The following PEX5L variants were observed in gnomAD, a reference collection of about 807,000 sequenced individuals.
PEX5L encodes the protein PEX5-related protein.
In PEX5L, 30 loss-of-function variants were observed where a neutral mutation model predicts 84.0. The observed-to-expected ratio is 0.36, with a 90% CI of 0.27 to 0.48. The LOEUF (loss-of-function observed/expected upper bound fraction) is 0.48, where lower values mean the gene tolerates loss of function less well. PEX5L is among the 20% of genes least tolerant of loss of function. The pLI is 0.99. For missense variants in PEX5L, 533 were observed against 754.6 expected (o/e 0.71, Z 3.44); for synonymous variants, 270 against 283.1 (o/e 0.95, Z 0.46).
At chr3:179,964,672 C>A (rs1782887213) in intron 2 of PEX5L, among the ~76,000 whole-genome samples, 1 of 152,176 alleles carries the variant, frequency 6.6e-6, no homozygotes. Flanking sequence ...AGAAGACATA[C>A]ACACAGTCAA....
Position 180,006,837 on chromosome 3 carries a change from C to T in PEX5L, c.21+29742G>A, listed in dbSNP as rs891664670. Reference sequence around the variant, plus strand: ...ACAGGCCCTCAAGATTCACTTACCTCCCCTTGGGTCCCTCCCACAACATGT... The same window carrying T: ...ACAGGCCCTCAAGATTCACTTACCTTCCCTTGGGTCCCTCCCACAACATGT... On this transcript the variant is annotated intron_variant, in intron 1 of 14. Transcript: ENST00000467460. Among the ~76,000 whole-genome samples the T allele has an allele frequency of 2.6e-5, 4 of 152,196 alleles. No homozygotes were observed. The South Asian group carries it at 8.3e-4, about 32-fold the overall frequency.
At chr3:179,832,683 C>G (rs568411821) in intron 8 of PEX5L, among the ~76,000 whole-genome samples, 1 of 151,544 alleles carries the variant, frequency 6.6e-6, no homozygotes, top group South Asian at 2.1e-4. Flanking sequence ...TACCTACTTA[C>G]CCACCCACTT....
At chr3:180,004,046 G>A (rs931839904) in intron 1 of PEX5L, among the ~76,000 whole-genome samples, 6 of 152,154 alleles carry the variant, frequency 3.9e-5, no homozygotes, top group Admixed American at 3.9e-4. Flanking sequence ...TGAAGACAGA[G>A]TGATATTTGG....
chr3:179,942,017 CAAAA>C lies in PEX5L; in HGVS notation c.93+29573_93+29576del, dbSNP rs11447396. On this transcript the variant is annotated intron_variant, in intron 2 of 14. Transcript: ENST00000467460. ...ACCTGGGTGACAGAGTGAGACTCCTCAAAAAAAAAAAAAAAAAAAGAAGAAAAGA... is the reference window on the plus strand; with the variant it reads ...ACCTGGGTGACAGAGTGAGACTCCTCAAAAAAAAAAAAAAAGAAGAAAAGA... 1.5e-4 allele frequency among the ~76,000 whole-genome samples: 13 copies of C among 89,224 alleles called. No individual in the cohort carries two copies. The East Asian group carries it at 3.8e-3, about 26-fold the overall frequency. 58.5% of individuals were successfully genotyped at this position (89,224 alleles called of 152,430 possible).
chr3:179,830,554 C>T (rs764755639), intron 8 of PEX5L, among the ~76,000 whole-genome samples: 14 of 152,200 alleles, frequency 9.2e-5, no homozygotes, highest in Non-Finnish European at 1.6e-4. Flanking sequence ...TACAGCTATT[C>T]GTGCCTAATG....
At chr3:179,899,267 T>G (rs996690021) in intron 2 of PEX5L, among the ~76,000 whole-genome samples, 3 of 152,146 alleles carry the variant, frequency 2.0e-5, no homozygotes, top group African/African-American at 7.2e-5. Context: ...AATCCTTAAA[T>G]ACTTTAAAAA....
At chr3:179,965,184 T>C (rs141167144) in intron 2 of PEX5L, among the ~76,000 whole-genome samples, 15 of 152,326 alleles carry the variant, frequency 9.8e-5, no homozygotes, top group African/African-American at 3.1e-4. Context: ...GAATGTCTAA[T>C]AGTAAACCAG....
intron 1 of PEX5L, chr3:179,973,227 T>C (rs1560997522): frequency 7.8e-7 from 1 of 1,288,602 alleles, no homozygotes; most frequent in Admixed American, 2.3e-5. Context: ...ATGTGGGTCC[T>C]TCCATCCATT....
chr3:179,893,807 A>T (rs1303057146), intron 3 of PEX5L, among the ~76,000 whole-genome samples: 1 of 152,174 alleles, frequency 6.6e-6, no homozygotes, highest in Non-Finnish European at 1.5e-5. Flanking sequence ...TGATTTAGAA[A>T]ATTTATAATA....
At chr3:179,981,601 G>C (rs1419422268) in intron 1 of PEX5L, among the ~76,000 whole-genome samples, 1 of 151,460 alleles carries the variant, frequency 6.6e-6, no homozygotes, top group East Asian at 1.9e-4. Context: ...AATTAGCAGA[G>C]TATGGGCCTA....
intron 2 of PEX5L, among the ~76,000 whole-genome samples, chr3:179,934,294 G>T (rs1773969537): frequency 6.6e-6 from 1 of 152,182 alleles, no homozygotes; most frequent in Non-Finnish European, 1.5e-5. Context: ...AAGGAAGGAG[G>T]ATTGGAAAGA....
At chr3:180,032,735 T>A (rs1303642236) in intron 1 of PEX5L, among the ~76,000 whole-genome samples, 1 of 152,120 alleles carries the variant, frequency 6.6e-6, no homozygotes, top group Non-Finnish European at 1.5e-5. Context: ...GCACCTGTAG[T>A]CCCAGCTACT....
At chr3:179,915,291 G>A (rs1163873678) in intron 2 of PEX5L, among the ~76,000 whole-genome samples, 1 of 152,188 alleles carries the variant, frequency 6.6e-6, no homozygotes, top group Non-Finnish European at 1.5e-5. Flanking sequence ...AGGCAGTGCT[G>A]GGATGGGAGG....
chr3:179,808,440 A>T lies in PEX5L; in HGVS notation c.1353-3T>A. 1.4e-6 allele frequency: 2 copies of T among 1,457,756 alleles called. No individual in the cohort carries two copies. The highest frequency in any genetic ancestry group is 1.8e-6 in the Non-Finnish European group (2 of 1,100,558). The allele number at this position is 1,457,756 out of a possible 1,614,324, so 90.3% of individuals were successfully genotyped here. ...CCTTCACCCCTTCCAGAACAGAGCT[A>T]CAAGAGAAAAAAAAAATTAGATTTG... On this transcript the variant is annotated splice_region_variant and splice_polypyrimidine_tract_variant and intron_variant, in intron 12 of 14. Coordinates refer to ENST00000467460, the MANE Select transcript of PEX5L (RefSeq NM_016559.3).
At chr3:180,032,584 C>T (rs1435894903) in intron 1 of PEX5L, among the ~76,000 whole-genome samples, 1 of 152,114 alleles carries the variant, frequency 6.6e-6, no homozygotes, top group East Asian at 1.9e-4. Context: ...CCGGGAGCTG[C>T]GGTTCATGCC....
At chr3:179,950,740 C>A (rs1778863069) in intron 2 of PEX5L, among the ~76,000 whole-genome samples, 1 of 152,158 alleles carries the variant, frequency 6.6e-6, no homozygotes, top group African/African-American at 2.4e-5. Flanking sequence ...TAACATGCCC[C>A]TCACTGGCAC....
chr3:179,885,816 G>A (rs975275576), intron 4 of PEX5L, among the ~76,000 whole-genome samples: 21 of 151,958 alleles, frequency 1.4e-4, no homozygotes, highest in African/African-American at 5.1e-4. Flanking sequence ...CACTAAGCAC[G>A]TTCATGGGGT....
At chr3:179,974,284 G>C in intron 1 of PEX5L, 1 of 695,330 alleles carries the variant, frequency 1.4e-6, no homozygotes, top group African/African-American at 2.0e-5. Context: ...TTCTGTGGGA[G>C]GAGAAGCCAC....
intron 1 of PEX5L, among the ~76,000 whole-genome samples, chr3:179,992,053 ATG>A (rs1787429473): frequency 6.6e-6 from 1 of 152,164 alleles, no homozygotes; most frequent in Non-Finnish European, 1.5e-5. Flanking sequence ...AGCCCTACTT[ATG>A]TGTGAGGGTC....
Sources: gnomAD v4.1 joint callset for allele counts (sites outside exome capture counted in the v4.1 genomes callset) on GRCh38, gnomAD v4.1.1 for gene constraint, MANE v1.5 for transcripts, NCBI Gene and HGNC (gene_info 2026-07-23, HGNC 2026-07-21) for gene names.